CAP2: variants seen among roughly 807,000 people sequenced by gnomAD.
The protein encoded by CAP2 is cyclase associated actin cytoskeleton regulatory protein 2, also known as adenylyl cyclase-associated protein 2.
CAP2 carries 24 observed loss-of-function variants against 57.7 expected under a neutral mutation model. The ratio of observed to expected loss-of-function variants is 0.42; its 90% confidence interval spans 0.30 to 0.58. The LOEUF (loss-of-function observed/expected upper bound fraction) is 0.58. CAP2 is among the 20% of genes least tolerant of loss of function. CAP2 has a pLI of 0.22. For missense variants in CAP2, 501 were observed against 590.3 expected (o/e 0.85, Z 1.57); for synonymous variants, 194 against 207.2 (o/e 0.94, Z 0.55).
At chr6:17,452,617 A>G (rs765043739) in intron 3 of CAP2, among the ~76,000 whole-genome samples, 1 of 152,222 alleles carries the variant, frequency 6.6e-6, no homozygotes, top group Non-Finnish European at 1.5e-5. Context: ...CCAAATAAAT[A>G]TGCTAAAAAT....
chr6:17,487,081 A>C (rs1489100264), intron 4 of CAP2, among the ~76,000 whole-genome samples: 1 of 152,160 alleles, frequency 6.6e-6, no homozygotes, highest in Non-Finnish European at 1.5e-5. Context: ...CACCTCATTC[A>C]TTAACTCAGC....
intron 7 of CAP2, chr6:17,531,145 G>A (rs374245100): frequency 1.8e-5 from 14 of 762,714 alleles, no homozygotes; most frequent in Admixed American, 1.0e-4. Flanking sequence ...AAAGCAATTC[G>A]CTTCTTACTG....
chr6:17,499,740 A>G (rs957394782), intron 4 of CAP2, among the ~76,000 whole-genome samples: 10 of 151,956 alleles, frequency 6.6e-5, no homozygotes, highest in African/African-American at 1.2e-4. Context: ...GGTTCCAGCC[A>G]CCTGGGAGGG....
At chr6:17,497,603 A>T (rs538540031) in intron 4 of CAP2, among the ~76,000 whole-genome samples, 1 of 152,218 alleles carries the variant, frequency 6.6e-6, no homozygotes, top group East Asian at 1.9e-4. Context: ...TCCTTCCTGG[A>T]TCTCAAATAA....
At chr6:17,523,456 G>A (rs1038992873) in intron 7 of CAP2, among the ~76,000 whole-genome samples, 7 of 152,116 alleles carry the variant, frequency 4.6e-5, no homozygotes, top group African/African-American at 1.7e-4. Flanking sequence ...ATTCACTGAA[G>A]GGGGAGACCC....
chr6:17,494,867 AG>A (rs2113639861), intron 4 of CAP2, among the ~76,000 whole-genome samples: 1 of 152,336 alleles, frequency 6.6e-6, no homozygotes, highest in African/African-American at 2.4e-5. Flanking sequence ...ATAGAACAAA[AG>A]TCTGACCCTC....
chr6:17,499,804 T>A (rs1327071653), intron 4 of CAP2, among the ~76,000 whole-genome samples: 1 of 151,468 alleles, frequency 6.6e-6, no homozygotes, highest in Non-Finnish European at 1.5e-5. Context: ...TGAGCCAAGA[T>A]TGCACCACTG....
intron 4 of CAP2, among the ~76,000 whole-genome samples, chr6:17,491,603 G>A (rs1050019185): frequency 6.6e-6 from 1 of 152,118 alleles, no homozygotes; most frequent in Non-Finnish European, 1.5e-5. Flanking sequence ...GAACGATACG[G>A]TTTAAACCCA....
chr6:17,514,000 T>C lies in CAP2; in HGVS notation c.636+46T>C. On this transcript the variant is annotated intron_variant, in intron 7 of 12. Coordinates refer to ENST00000229922, the MANE Select transcript of CAP2 (RefSeq NM_006366.3). This position sits in a 1 kb window ranked among gnomAD's most constrained non-coding sequence, Gnocchi z 4.3. ...CACGTGTGTAAAAAAAGGCCATGAC[T>C]ATATATACACCCTGTGGCCCAGTAA... 1 of 1,109,150 alleles carries C rather than the reference T, an allele frequency of 9.0e-7. No homozygotes were observed. The highest frequency in any genetic ancestry group is 1.4e-6 in the Non-Finnish European group (1 of 720,026). 68.7% of individuals were successfully genotyped at this position (1,109,150 alleles called of 1,614,324 possible).
At chr6:17,405,292 G>C (rs1581489597) in intron 1 of CAP2, among the ~76,000 whole-genome samples, 2 of 152,274 alleles carry the variant, frequency 1.3e-5, no homozygotes, top group East Asian at 3.9e-4. Flanking sequence ...TGAGGCAGGA[G>C]AATCGTGTGA....
At chr6:17,495,913 A>G (rs1176201686) in intron 4 of CAP2, among the ~76,000 whole-genome samples, 2 of 151,590 alleles carry the variant, frequency 1.3e-5, no homozygotes, top group African/African-American at 2.4e-5. Flanking sequence ...TGACCTGCAG[A>G]AAAGACAGCA....
At chr6:17,519,290 G>C (rs1315688237) in intron 7 of CAP2, among the ~76,000 whole-genome samples, 1 of 151,818 alleles carries the variant, frequency 6.6e-6, no homozygotes, top group East Asian at 1.9e-4. Flanking sequence ...AGGGTGAAAT[G>C]CCAAACTTTG....
chr6:17,414,056 A>G (rs1759212407), intron 1 of CAP2, among the ~76,000 whole-genome samples: 1 of 150,790 alleles, frequency 6.6e-6, no homozygotes, highest in East Asian at 1.9e-4. Context: ...TCTGTCTCAA[A>G]AAAAAAAAAA....
chr6:17,525,536 G>A (rs1762483232), intron 7 of CAP2, among the ~76,000 whole-genome samples: 1 of 151,858 alleles, frequency 6.6e-6, no homozygotes, highest in Non-Finnish European at 1.5e-5. Context: ...ACCACAAGCT[G>A]GAAGTTATCC....
At chr6:17,554,455 G>A (rs548531581) in intron 12 of CAP2, among the ~76,000 whole-genome samples, 6 of 152,318 alleles carry the variant, frequency 3.9e-5, no homozygotes, top group African/African-American at 7.2e-5. Flanking sequence ...GTGGGGTCTC[G>A]CTATGTTGCC....
At chr6:17,419,706 C>T (rs763638594) in intron 1 of CAP2, among the ~76,000 whole-genome samples, 5 of 151,504 alleles carry the variant, frequency 3.3e-5, no homozygotes, top group East Asian at 1.9e-4. Flanking sequence ...TTTTCCTAGA[C>T]GGAGTCTTGC....
At chr6:17,410,335 AG>A (rs1283499423) in intron 1 of CAP2, among the ~76,000 whole-genome samples, 155 of 152,330 alleles carry the variant, frequency 1.0e-3, no homozygotes, top group Non-Finnish European at 2.1e-4. Context: ...CTACTGCATC[AG>A]TATTGCTGAG....
intron 1 of CAP2, among the ~76,000 whole-genome samples, chr6:17,408,660 CTT>C (rs35571407): frequency 5.0e-5 from 6 of 120,416 alleles, no homozygotes; most frequent in African/African-American, 1.4e-4. Flanking sequence ...TGATAGCCTC[CTT>C]TTTTTTTTTT....
At chr6:17,435,681 T>TAAAAAAAAAAAAAA (rs71002211) in intron 3 of CAP2, among the ~76,000 whole-genome samples, 1 of 67,420 alleles carries the variant, frequency 1.5e-5, no homozygotes, top group Non-Finnish European at 2.6e-5. Context: ...TAGAGTATAA[T>TAAAAAAAAAAAAAA]AAAAAAAAAA....
Sources: allele counts gnomAD v4.1 joint callset (sites outside exome capture counted in the v4.1 genomes callset), GRCh38; gene constraint gnomAD v4.1.1; non-coding constraint Gnocchi (gnomAD v3.1); transcripts MANE v1.5; gene names NCBI Gene and HGNC (gene_info 2026-07-23, HGNC 2026-07-21).